The following GAB2 variants were observed in gnomAD, a reference collection of about 807,000 sequenced individuals.
GAB2 encodes the protein GRB2 associated binding protein 2.
A neutral mutation model predicts 65.5 loss-of-function variants in GAB2; 26 were observed. That is an observed-to-expected ratio of 0.40 (90% CI 0.29 to 0.55). The LOEUF (loss-of-function observed/expected upper bound fraction) is 0.55, where lower values mean the gene tolerates loss of function less well. Among genes scored for constraint, GAB2 ranks in the 20% least tolerant of loss-of-function variants. GAB2 has a pLI of 0.53. For synonymous variants in GAB2, 321 were observed against 329.6 expected (o/e 0.97, Z 0.28); for missense variants, 884 against 875.8 (o/e 1.01, Z -0.12).
intron 1 of GAB2, among the ~76,000 whole-genome samples, chr11:78,289,814 CTTT>C (rs56926225): frequency 2.2e-4 from 18 of 83,660 alleles, no homozygotes; most frequent in African/African-American, 8.1e-4. Context: ...AGAACAGGAC[CTTT>C]TTTTTTTTTT....
intron 1 of GAB2, among the ~76,000 whole-genome samples, chr11:78,301,752 A>G (rs547366170): frequency 6.6e-6 from 1 of 152,358 alleles, no homozygotes; most frequent in Non-Finnish European, 1.5e-5. Flanking sequence ...GGCTAAGCAA[A>G]GAACAAATCT....
chr11:78,417,493 G>C (rs1487325499), intron 1 of GAB2, among the ~76,000 whole-genome samples, 153 bp downstream of exon 1: 1 of 150,206 alleles, frequency 6.7e-6, no homozygotes, highest in Non-Finnish European at 1.5e-5. Flanking sequence ...AGGTGTGCAG[G>C]TGCCCCACAC....
chr11:78,357,682 C>A (rs1258045532), intron 1 of GAB2, among the ~76,000 whole-genome samples: 5 of 152,298 alleles, frequency 3.3e-5, no homozygotes, highest in South Asian at 4.1e-4. Context: ...ATGCAGCCAA[C>A]AGACACATGA....
intron 4 of GAB2, among the ~76,000 whole-genome samples, chr11:78,226,046 A>T (rs1864636501): frequency 6.6e-6 from 1 of 152,184 alleles, no homozygotes; most frequent in Admixed American, 6.5e-5. Context: ...AAATATTAAG[A>T]CCTCGTTTTG....
chr11:78,221,927 G>A, intron 7 of GAB2, 148 bp from the exon 8 acceptor site: 2 of 682,148 alleles, frequency 2.9e-6, no homozygotes, highest in East Asian at 5.4e-5. Flanking sequence ...TATAGGGCAG[G>A]TATAATTATT....
Position 78,250,261 on chromosome 11 carries a change from A to T in GAB2, c.516T>A (p.Phe172Leu), listed in dbSNP as rs1398905533. 6.2e-7 allele frequency: 1 copy of T among 1,613,558 alleles called. No individual in the cohort carries two copies. The part of the protein sequence containing the change: ...SHSSQPTLFT[F>L]EPPVSNHMQP... ...GCATGTGGTTTGACACAGGGGGTTC[A>T]AACGTGAACAGAGTTGGCTGGCTGG... is the stretch of plus-strand genomic sequence containing the variant. Residue 172 changes from phenylalanine (F) to leucine (L), a missense_variant, in exon 3 of 10, where the codon TTT (phenylalanine) becomes TTA (leucine). Transcript: ENST00000361507.
intron 1 of GAB2, among the ~76,000 whole-genome samples, chr11:78,324,519 GA>G (rs1231716691): frequency 6.6e-6 from 1 of 152,178 alleles, no homozygotes; most frequent in East Asian, 1.9e-4. Context: ...AATGGAAAAA[GA>G]AAGGTGCTAG....
chr11:78,349,690 T>A (rs947302288), intron 1 of GAB2, among the ~76,000 whole-genome samples: 3 of 152,008 alleles, frequency 2.0e-5, no homozygotes, highest in East Asian at 1.9e-4. Context: ...TTTTAAAAAA[T>A]TTTTTTTAAG....
chr11:78,223,723 G>A (rs746808492), intron 5 of GAB2, 47 bp from the exon 6 acceptor site: 1 of 1,480,800 alleles, frequency 6.8e-7, no homozygotes, highest in Non-Finnish European at 9.2e-7. Context: ...CTAGCAAGAA[G>A]AAACAGGAAG....
intron 1 of GAB2, among the ~76,000 whole-genome samples, chr11:78,284,899 T>C (rs1866434989): frequency 6.6e-6 from 1 of 152,066 alleles, no homozygotes; most frequent in African/African-American, 2.4e-5. Flanking sequence ...AATTAATGAA[T>C]CATTTTCTTG....
At chr11:78,231,390 C>T (rs1977976) in intron 3 of GAB2, among the ~76,000 whole-genome samples, 1 of 143,366 alleles carries the variant, frequency 7.0e-6, no homozygotes, top group Admixed American at 7.0e-5. Flanking sequence ...ATTCTGTCTC[C>T]CAGGCTGGAG....
At chr11:78,231,336 G>GGGGTGTGTGT (rs1554975138) in intron 3 of GAB2, among the ~76,000 whole-genome samples, 4 of 145,796 alleles carry the variant, frequency 2.7e-5, no homozygotes, top group Non-Finnish European at 4.5e-5. Flanking sequence ...GCGCGTGTGT[G>GGGGTGTGTGT]GTGTGTGTGT....
chr11:78,343,532 T>A (rs548930693), intron 1 of GAB2, among the ~76,000 whole-genome samples: 1 of 152,260 alleles, frequency 6.6e-6, no homozygotes, highest in East Asian at 1.9e-4. Flanking sequence ...GGGATTATAT[T>A]GGTAAATGTA....
chr11:78,260,670 C>T (rs1290238645), intron 2 of GAB2, among the ~76,000 whole-genome samples: 1 of 152,114 alleles, frequency 6.6e-6, no homozygotes, highest in East Asian at 1.9e-4. Context: ...CAGGGTTTCA[C>T]CATGTTGGCC....
chr11:78,383,916 T>G (rs1003606738), intron 1 of GAB2, among the ~76,000 whole-genome samples: 1 of 152,162 alleles, frequency 6.6e-6, no homozygotes, highest in South Asian at 2.1e-4. Context: ...TTGCGGGCTT[T>G]CGTGACATTG....
Position 78,217,736 on chromosome 11 carries a change from A to G in GAB2, c.*1536T>C, listed in dbSNP as rs1434908820. The G allele has an allele frequency of 1.3e-5, 2 of 152,218 alleles. No homozygotes were observed. The highest frequency in any genetic ancestry group is 2.9e-5 in the Non-Finnish European group (2 of 68,074). The allele number at this position is 152,218 out of a possible 1,614,324, so 9.4% of individuals were successfully genotyped here. On this transcript the variant is annotated 3_prime_UTR_variant, in exon 10 of 10. Coordinates refer to ENST00000361507, the MANE Select transcript of GAB2 (RefSeq NM_080491.3). The stretch of plus-strand genomic sequence containing the variant: ...TCCCTGCTAATCTGATGGCCTTTCA[A>G]ACCTGGGGAGGAGAGTCCAAGATGG...
chr11:78,311,845 A>T (rs58997522), intron 1 of GAB2, among the ~76,000 whole-genome samples: 8,053 of 152,248 alleles, frequency 0.053, 695 homozygotes, highest in African/African-American at 0.18. Flanking sequence ...AGGTGCCTAC[A>T]GAAGCTCAAT....
At chr11:78,318,026 C>G (rs958015099) in intron 1 of GAB2, 2 of 151,916 alleles carry the variant, frequency 1.3e-5, no homozygotes, top group Non-Finnish European at 2.9e-5. Context: ...TGGGGATCCA[C>G]AAATATGAAT....
chr11:78,299,148 T>C (rs1157091618), intron 1 of GAB2, among the ~76,000 whole-genome samples: 1 of 152,174 alleles, frequency 6.6e-6, no homozygotes, highest in Non-Finnish European at 1.5e-5. Context: ...TTAATGATGA[T>C]TGACAGGATG....
Sources: allele counts gnomAD v4.1 joint callset (sites outside exome capture counted in the v4.1 genomes callset), GRCh38; gene constraint gnomAD v4.1.1; transcripts MANE v1.5; gene names NCBI Gene and HGNC (gene_info 2026-07-23, HGNC 2026-07-21).